Variants in KCNN2 observed in about 807,000 individuals in gnomAD.
KCNN2 encodes potassium calcium-activated channel subfamily N member 2, also known as small conductance calcium-activated potassium channel protein 2.
KCNN2 carries 24 observed loss-of-function variants against 55.5 expected under a neutral mutation model. The ratio of observed to expected loss-of-function variants is 0.43; its 90% CI spans 0.31 to 0.61. The LOEUF (loss-of-function observed/expected upper bound fraction) is 0.61. Among genes scored for constraint, KCNN2 ranks in the 20% least tolerant of loss-of-function variants. KCNN2 has a pLI of 0.08. For synonymous variants in KCNN2, 431 were observed against 336.1 expected (o/e 1.28, Z -3.09); for missense variants, 754 against 853.6 (o/e 0.88, Z 1.45).
At chr5:114,263,306 G>A (rs570870086) in intron 2 of KCNN2, among the ~76,000 whole-genome samples, 38 of 152,306 alleles carry the variant, frequency 2.5e-4, no homozygotes, top group African/African-American at 8.7e-4. Flanking sequence ...GTCACATGAA[G>A]TGAAGCCAGT....
At chr5:114,165,535 A>C (rs1294327246) in intron 1 of KCNN2, among the ~76,000 whole-genome samples, 1 of 152,154 alleles carries the variant, frequency 6.6e-6, no homozygotes, top group African/African-American at 2.4e-5. Flanking sequence ...TTCTTTACTT[A>C]GTTTATTGAT....
chr5:114,204,278 AC>A (rs1478405916), intron 1 of KCNN2, among the ~76,000 whole-genome samples: 3 of 152,240 alleles, frequency 2.0e-5, no homozygotes, highest in Non-Finnish European at 4.4e-5. Flanking sequence ...AATTAATGCT[AC>A]ATTTAAGGAA....
intron 3 of KCNN2, among the ~76,000 whole-genome samples, chr5:114,447,793 G>A (rs1420209920): frequency 6.6e-6 from 1 of 152,228 alleles, no homozygotes; most frequent in Non-Finnish European, 1.5e-5. Flanking sequence ...GATGAGCTGA[G>A]TATGTACCAC....
intron 1 of KCNN2, among the ~76,000 whole-genome samples, chr5:114,176,969 G>GA (rs1554073166): frequency 1.3e-5 from 2 of 151,112 alleles, no homozygotes; most frequent in African/African-American, 4.9e-5. Flanking sequence ...AGGAGGAACA[G>GA]TTTTTTTTTA....
At chr5:114,108,521 G>A (rs1580520915) in intron 1 of KCNN2, among the ~76,000 whole-genome samples, 1 of 151,972 alleles carries the variant, frequency 6.6e-6, no homozygotes, top group Non-Finnish European at 1.5e-5. Context: ...CTTATGCCCT[G>A]TTCCAGTAAA....
chr5:114,474,606 G>A (rs1473432803), intron 5 of KCNN2, among the ~76,000 whole-genome samples: 2 of 152,146 alleles, frequency 1.3e-5, no homozygotes, highest in Admixed American at 1.3e-4. Context: ...GTGCATATGA[G>A]ATTAGACTAC....
chr5:114,399,780 G>A (rs1224051578), intron 2 of KCNN2, among the ~76,000 whole-genome samples: 1 of 152,048 alleles, frequency 6.6e-6, no homozygotes, highest in Non-Finnish European at 1.5e-5. Flanking sequence ...TTCCATTTTG[G>A]AACTTGTTAT....
chr5:114,288,497 T>TACACACACACACAC lies in KCNN2; in HGVS notation c.-185+66933_-185+66934insCACACACACACACA, dbSNP rs371769820. 1.9e-3 allele frequency among the ~76,000 whole-genome samples: 249 copies of TACACACACACACAC among 128,796 alleles called. 2 individuals carry two copies. The Middle Eastern group carries it at 0.024, about 13-fold the overall frequency. The allele number at this position is 128,796 out of a possible 152,430, so 84.5% of individuals were successfully genotyped here. ...TCTTTGCCATTACTTTATATATATA[T>TACACACACACACAC]ATACACACACACACACACACACACA... On this transcript the variant is annotated intron_variant, in intron 2 of 10. Coordinates refer to the KCNN2 transcript ENST00000512097.
intron 3 of KCNN2, among the ~76,000 whole-genome samples, chr5:114,449,827 C>T (rs1760576052): frequency 6.6e-6 from 1 of 151,624 alleles, no homozygotes; most frequent in Admixed American, 6.6e-5. Flanking sequence ...GATGCTGCCT[C>T]CTCAGATCTG....
rs373827168 is a variant in KCNN2 at position 114,128,867 on chromosome 5, A to G, written c.-271+72367A>G. Among the ~76,000 whole-genome samples, 9 of 152,346 alleles carry G rather than the reference A, an allele frequency of 5.9e-5. No individual in the cohort carries two copies. The East Asian group carries it at 1.7e-3, about 29-fold the overall frequency. On this transcript the variant is annotated intron_variant, in intron 1 of 10. Transcript: ENST00000512097. Reference sequence around the variant, plus strand: ...ATTCCCACAAGCCTACTCCAAATTCAGATTAATATTTAATTCTCTTATCTT... The same window carrying G: ...ATTCCCACAAGCCTACTCCAAATTCGGATTAATATTTAATTCTCTTATCTT...
intron 2 of KCNN2, among the ~76,000 whole-genome samples, chr5:114,261,608 G>T (rs1323556988): frequency 6.6e-6 from 1 of 152,142 alleles, no homozygotes; most frequent in East Asian, 1.9e-4. Flanking sequence ...GTACCTATGG[G>T]TAGAATTTTC....
intron 3 of KCNN2, among the ~76,000 whole-genome samples, chr5:114,459,854 A>G (rs1761112845): frequency 6.6e-6 from 1 of 152,190 alleles, no homozygotes; most frequent in Non-Finnish European, 1.5e-5. Flanking sequence ...CATATAGTAA[A>G]TATTAATTGA....
At chr5:114,396,503 T>A (rs1380506178) in intron 2 of KCNN2, among the ~76,000 whole-genome samples, 2 of 152,104 alleles carry the variant, frequency 1.3e-5, no homozygotes, top group African/African-American at 4.8e-5. Context: ...GGGTTTGGAT[T>A]ATATCATGTA....
Position 114,293,270 on chromosome 5 carries a change from A to G in KCNN2, c.-184-67675A>G, listed in dbSNP as rs970316036. 9.2e-5 allele frequency among the ~76,000 whole-genome samples: 14 copies of G among 152,238 alleles called. 1 individual carries two copies. In the East Asian group the frequency reaches 1.5e-3, roughly 17 times the overall value. On this transcript the variant is annotated intron_variant, in intron 2 of 10. Coordinates refer to the KCNN2 transcript ENST00000512097. ...AGAGAGGGCATCCCTGTCTTGTGCC[A>G]GTTTTCAAAGGGAATGCTTCCAGTT...
intron 2 of KCNN2, among the ~76,000 whole-genome samples, chr5:114,317,915 G>A (rs564073748): frequency 4.9e-4 from 75 of 152,356 alleles, no homozygotes; most frequent in African/African-American, 1.7e-3. Flanking sequence ...TATGAAATGA[G>A]TTGTAAAGCA....
upstream of KCNN2, chr5:114,361,260 CA>C (rs1215087075): frequency 6.6e-6 from 1 of 152,280 alleles, no homozygotes; most frequent in Non-Finnish European, 1.5e-5. Context: ...GCCCCGCCCC[CA>C]CCCACCCCCG....
At chr5:114,446,057 C>G (rs1005425337) in intron 3 of KCNN2, among the ~76,000 whole-genome samples, 6 of 152,210 alleles carry the variant, frequency 3.9e-5, no homozygotes, top group Non-Finnish European at 2.9e-5. Context: ...TACTGGCCTC[C>G]TCCCCTGGCC....
At chr5:114,358,055 G>C (rs1393391648), upstream of KCNN2, among the ~76,000 whole-genome samples, 1 of 151,406 alleles carries the variant, frequency 6.6e-6, no homozygotes, top group Non-Finnish European at 1.5e-5. Flanking sequence ...GGCCAGTGAT[G>C]ATGAGCATTT....
upstream of KCNN2, among the ~76,000 whole-genome samples, chr5:114,359,738 TCAAA>T (rs1451777207): frequency 6.6e-6 from 1 of 152,214 alleles, no homozygotes; most frequent in Non-Finnish European, 1.5e-5. Flanking sequence ...TAAGGATGAA[TCAAA>T]CATTTTCACT....
Sources: gnomAD v4.1 joint callset for allele counts (sites outside exome capture counted in the v4.1 genomes callset) on GRCh38, gnomAD v4.1.1 for gene constraint, MANE v1.5 for transcripts, NCBI Gene and HGNC (gene_info 2026-07-23, HGNC 2026-07-21) for gene names.